The following DST variants were observed in gnomAD, a reference collection of about 807,000 sequenced individuals.
The protein encoded by DST is bullous pemphigoid antigen.
In DST, 253 loss-of-function variants were observed where a neutral mutation model predicts 875.2. The ratio of observed to expected loss-of-function variants is 0.29; its 90% confidence interval spans 0.26 to 0.32. The LOEUF (loss-of-function observed/expected upper bound fraction) is 0.32. DST is among the 10% of genes least tolerant of loss of function. The pLI is 1.00. For synonymous variants in DST, 3,124 were observed against 3,197.1 expected, an observed-to-expected ratio of 0.98 and a Z score of 0.77; for missense variants, 8,287 against 9,111.6, an observed-to-expected ratio of 0.91 and a Z score of 3.68.
intron 49 of DST, among the ~76,000 whole-genome samples, chr6:56,585,970 T>TA (rs1285041459): frequency 1.5e-5 from 2 of 132,956 alleles, no homozygotes; most frequent in African/African-American, 5.1e-5. Flanking sequence ...CAGTTTGTTA[T>TA]AATTTCTGTT....
intron 4 of DST, among the ~76,000 whole-genome samples, chr6:56,769,679 T>C (rs1441561048): frequency 1.3e-5 from 2 of 152,076 alleles, no homozygotes; most frequent in African/African-American, 2.4e-5. Context: ...TAGCCACGTG[T>C]AGTGGCAGGG....
chr6:56,651,080 C>G, intron 11 of DST, 48 bp from the exon 12 acceptor site: 1 of 1,587,476 alleles, frequency 6.3e-7, no homozygotes. Flanking sequence ...TGATAAATTA[C>G]TTTTGATCAG....
intron 2 of DST, 31 bp downstream of exon 2, chr6:56,953,754 T>C: frequency 7.7e-7 from 1 of 1,306,624 alleles, no homozygotes. Context: ...GAACTTCTTC[T>C]GACCTTGAGC....
chr6:56,839,158 G>T lies in DST; in HGVS notation c.625+12239C>A, dbSNP rs148362788. Among the ~76,000 whole-genome samples the T allele has an allele frequency of 5.1e-4, 78 of 152,308 alleles. No individual in the cohort carries two copies. In the East Asian group the frequency reaches 0.015, roughly 29 times the overall value. ...TGGAATGGAGATATAAGGGCTGGAA[G>T]AGGAGCAGCCATCTTGTGATCACAA... On this transcript the variant is annotated intron_variant, in intron 4 of 103. Coordinates refer to ENST00000680361, the MANE Select transcript of DST (RefSeq NM_001374736.1).
intron 83 of DST, 148 bp from the exon 84 acceptor site, chr6:56,493,237 G>T (rs1162498232): frequency 3.2e-6 from 2 of 623,048 alleles, no homozygotes; most frequent in Non-Finnish European, 4.9e-6. Flanking sequence ...TCTTATAAAT[G>T]TAATGGGCCT....
At chr6:56,629,728 A>G (rs2098761967) in intron 31 of DST, among the ~76,000 whole-genome samples, 1 of 152,178 alleles carries the variant, frequency 6.6e-6, no homozygotes, top group Non-Finnish European at 1.5e-5. Context: ...CTCCATTAAT[A>G]AAATATGTCT....
At chr6:56,468,382 T>A (rs2094698517) in intron 98 of DST, among the ~76,000 whole-genome samples, 1 of 152,224 alleles carries the variant, frequency 6.6e-6, no homozygotes, top group African/African-American at 2.4e-5. Context: ...ATTATAGCGA[T>A]AACTTTCCTC....
chr6:56,855,877 C>T (rs867309594), intron 3 of DST, among the ~76,000 whole-genome samples: 1 of 152,240 alleles, frequency 6.6e-6, no homozygotes, highest in Middle Eastern at 3.4e-3. Context: ...CTGCAGCATC[C>T]ACAGAAAACC....
Position 56,605,864 on chromosome 6 carries a change from GCAA to G in DST, c.8761_8763del (p.Leu2921del), listed in dbSNP as rs1398796387. ...GATTCAGTGTCTTTAATGATAGGCGGCAATACATCCTTAAGTACCATCTCATGG... is the reference window on the plus strand; with the variant it reads ...GATTCAGTGTCTTTAATGATAGGCGGTACATCCTTAAGTACCATCTCATGG... On this transcript the variant is annotated inframe_deletion, in exon 40 of 104. Coordinates refer to ENST00000680361, the MANE Select transcript of DST (RefSeq NM_001374736.1). The G allele has an allele frequency of 1.2e-6, 2 of 1,612,286 alleles. No individual in the cohort carries two copies. Among genetic ancestry groups the G allele is most frequent in the African/African-American group, 1.3e-5 (1 of 74,828 alleles).
At chr6:56,736,999 T>C (rs2099527384) in intron 4 of DST, among the ~76,000 whole-genome samples, 1 of 89,372 alleles carries the variant, frequency 1.1e-5, no homozygotes, top group Non-Finnish European at 2.2e-5. Flanking sequence ...CATGATGAAA[T>C]CCGGGGCAAC....
At chr6:56,708,190 C>T (rs1017518490) in intron 5 of DST, among the ~76,000 whole-genome samples, 9 of 152,150 alleles carry the variant, frequency 5.9e-5, no homozygotes, top group Non-Finnish European at 1.2e-4. Flanking sequence ...AGCCTAAACT[C>T]TCTAGGCTTC....
intron 3 of DST, among the ~76,000 whole-genome samples, chr6:56,875,216 C>A (rs1482349451): frequency 6.6e-6 from 1 of 151,998 alleles, no homozygotes; most frequent in Non-Finnish European, 1.5e-5. Context: ...GATCTCCTGG[C>A]CTCGTGATCC....
chr6:56,784,672 T>C (rs1248924470), intron 4 of DST, among the ~76,000 whole-genome samples: 1 of 152,218 alleles, frequency 6.6e-6, no homozygotes, highest in Non-Finnish European at 1.5e-5. Context: ...TGGTTTGAAT[T>C]TCCTCCTGTA....
At chr6:56,918,879 G>A (rs1206979537) in intron 2 of DST, among the ~76,000 whole-genome samples, 1 of 152,158 alleles carries the variant, frequency 6.6e-6, no homozygotes, top group East Asian at 1.9e-4. Context: ...GGGTGACGGA[G>A]TGAGTTTGAA....
intron 2 of DST, among the ~76,000 whole-genome samples, chr6:56,924,114 C>T (rs546242077): frequency 6.6e-6 from 1 of 152,002 alleles, no homozygotes; most frequent in Non-Finnish European, 1.5e-5. Context: ...ATAGAGCAAG[C>T]CACCATCTCA....
intron 4 of DST, among the ~76,000 whole-genome samples, chr6:56,828,279 T>G (rs2099783168): frequency 6.6e-6 from 1 of 152,168 alleles, no homozygotes; most frequent in Non-Finnish European, 1.5e-5. Flanking sequence ...CTCTTCAAGG[T>G]GGGAAATATT....
chr6:56,489,674 A>G, intron 85 of DST, 65 bp from the exon 86 acceptor site: 1 of 1,478,132 alleles, frequency 6.8e-7, no homozygotes, highest in Non-Finnish European at 9.2e-7. Flanking sequence ...GATCTAGCAC[A>G]GTTTTAAGAC....
chr6:56,922,420 A>T (rs894980359), intron 2 of DST, among the ~76,000 whole-genome samples: 1 of 152,186 alleles, frequency 6.6e-6, no homozygotes, highest in Non-Finnish European at 1.5e-5. Flanking sequence ...AAACCTGGCT[A>T]AAAAACTTGA....
At position 56,543,940 on chromosome 6, in the gene DST, G is replaced by A. The variant is rs540712442; in HGVS notation, c.16609-7000C>T. Among the ~76,000 whole-genome samples the A allele has an allele frequency of 6.4e-4, 97 of 152,182 alleles. No homozygotes were observed. The South Asian group carries it at 7.7e-3, about 12-fold the overall frequency. ...CCATTCAACAATTATTAGATTATTA[G>A]ATGCAACTCAGTATGTGGCCATCAT... On this transcript the variant is annotated intron_variant, in intron 61 of 103. Coordinates refer to ENST00000680361, the MANE Select transcript of DST (RefSeq NM_001374736.1).
Sources: allele counts gnomAD v4.1 joint callset (sites outside exome capture counted in the v4.1 genomes callset), GRCh38; gene constraint gnomAD v4.1.1; transcripts MANE v1.5; gene names NCBI Gene and HGNC (gene_info 2026-07-23, HGNC 2026-07-21).